CCM2: variants seen among roughly 807,000 people sequenced by gnomAD.
CCM2 encodes the protein cerebral cavernous malformations 2 protein.
Under a neutral mutation model 44.9 loss-of-function variants are expected in CCM2, and 25 were observed. The ratio of observed to expected loss-of-function variants is 0.56; its 90% CI spans 0.41 to 0.78. CCM2 has a LOEUF of 0.78. Among genes scored for constraint, CCM2 ranks in the 30% least tolerant of loss-of-function variants. CCM2 has a pLI of 0.00. For synonymous variants in CCM2, 219 were observed against 241.1 expected (o/e 0.91, Z 0.85); for missense variants, 481 against 580.6 (o/e 0.83, Z 1.76).
chr7:45,047,627 A>G (rs1386815271), intron 2 of CCM2, among the ~76,000 whole-genome samples: 1 of 152,250 alleles, frequency 6.6e-6, no homozygotes, highest in Non-Finnish European at 1.5e-5. Context: ...AAGGTTTCAC[A>G]CTGTATGTTC....
At chr7:45,070,455 A>G (rs1277910062) in intron 6 of CCM2, 2 of 456,450 alleles carry the variant, frequency 4.4e-6, no homozygotes, top group Non-Finnish European at 8.8e-6. Flanking sequence ...GTGGTGGAGC[A>G]GTGGCAGATG....
intron 1 of CCM2, among the ~76,000 whole-genome samples, chr7:45,031,825 G>A (rs1379881014): frequency 6.6e-6 from 1 of 152,072 alleles, no homozygotes; most frequent in African/African-American, 2.4e-5. Flanking sequence ...TCCCATCTTG[G>A]CCTCCCAAAG....
rs1204231993 is a variant in CCM2, at chr7:45,076,411, C to T, written c.*354C>T. On this transcript the variant is annotated 3_prime_UTR_variant, in exon 10 of 10. Coordinates refer to ENST00000258781, the MANE Select transcript of CCM2 (RefSeq NM_031443.4). ...CACATGATGTTCCTATTGTAACTCT[C>T]AGAGACCTTAAAAAGAAGTTTACTG... The T allele has an allele frequency of 7.0e-6, 3 of 428,818 alleles. No homozygotes were observed. Among genetic ancestry groups the T allele is most frequent in the South Asian group, 3.8e-5 (2 of 52,008 alleles). 26.6% of individuals were successfully genotyped at this position (428,818 alleles called of 1,614,324 possible).
intron 2 of CCM2, among the ~76,000 whole-genome samples, chr7:45,049,148 G>A (rs939417458): frequency 1.3e-5 from 2 of 152,036 alleles, no homozygotes; most frequent in Non-Finnish European, 2.9e-5. Flanking sequence ...GTGGTGATGG[G>A]GTCTTGCCAT....
At chr7:44,999,874 G>A (rs1795511012), upstream of CCM2, 1 of 385,124 alleles carries the variant, frequency 2.6e-6, no homozygotes, top group Admixed American at 2.9e-5. Context: ...TCTCGCGGCC[G>A]TGCAGAAGCG....
At chr7:45,046,215 C>A (rs1254635251) in intron 2 of CCM2, among the ~76,000 whole-genome samples, 6 of 152,188 alleles carry the variant, frequency 3.9e-5, no homozygotes, top group Non-Finnish European at 7.3e-5. Flanking sequence ...CAAGACTATT[C>A]TTAAAGTGCA....
At chr7:45,028,162 G>T (rs1249939097) in intron 1 of CCM2, among the ~76,000 whole-genome samples, 1 of 152,190 alleles carries the variant, frequency 6.6e-6, no homozygotes, top group Non-Finnish European at 1.5e-5. Flanking sequence ...GAAAAATGAT[G>T]TAGGGAGATG....
intron 2 of CCM2, among the ~76,000 whole-genome samples, chr7:45,045,813 C>CAA (rs768518859): frequency 7.2e-5 from 11 of 152,044 alleles, no homozygotes; most frequent in Admixed American, 2.0e-4. Flanking sequence ...CAAAACAAAA[C>CAA]AAACTCAGAC....
intron 1 of CCM2, among the ~76,000 whole-genome samples, chr7:45,021,029 G>T (rs1796461106): frequency 6.6e-6 from 1 of 152,138 alleles, no homozygotes; most frequent in African/African-American, 2.4e-5. Context: ...TCTGAGGGTG[G>T]TCTTAGTGCT....
At chr7:45,073,645 G>A (rs971709211) in intron 8 of CCM2, 74 bp downstream of exon 8, 3 of 1,055,464 alleles carry the variant, frequency 2.8e-6, no homozygotes, top group Non-Finnish European at 4.3e-6. Context: ...GGAAGGGGAG[G>A]AGGAGGAGGA....
At chr7:45,075,004 C>T (rs932951369) in intron 9 of CCM2, among the ~76,000 whole-genome samples, 4 of 152,228 alleles carry the variant, frequency 2.6e-5, no homozygotes, top group Non-Finnish European at 5.9e-5. Context: ...TTGAAGGCTT[C>T]TGGGTCCTGG....
upstream of CCM2, chr7:44,999,855 C>T (rs1397100226): frequency 2.4e-6 from 1 of 413,142 alleles, no homozygotes; most frequent in Non-Finnish European, 4.9e-6. Flanking sequence ...GGGGGCTGGA[C>T]AGGTGCGTTC....
rs966470513 is a variant in CCM2 at position 45,024,833 on chromosome 7, G to A, written c.31-13420G>A. Among the ~76,000 whole-genome samples, 8 of 152,168 alleles carry A rather than the reference G, an allele frequency of 5.3e-5. No homozygotes were observed. The South Asian group carries it at 1.5e-3, about 28-fold the overall frequency. On this transcript the variant is annotated intron_variant, in intron 1 of 9. Transcript: ENST00000258781. Reference sequence around the variant, plus strand: ...GATTCTCTTGAAATTCTGCAGTTTTGTGAAGATGAGTCTAAATGTTGAGGG... The same window carrying A: ...GATTCTCTTGAAATTCTGCAGTTTTATGAAGATGAGTCTAAATGTTGAGGG...
chr7:45,076,224 C>A lies in CCM2; in HGVS notation c.*167C>A, dbSNP rs757048621. The A allele has an allele frequency of 3.2e-6, 3 of 931,760 alleles. No homozygotes were observed. In the South Asian group the frequency reaches 4.2e-5, roughly 13 times the overall value. 57.7% of individuals were successfully genotyped at this position (931,760 alleles called of 1,614,324 possible). On this transcript the variant is annotated 3_prime_UTR_variant, in exon 10 of 10. Transcript: ENST00000258781. The stretch of plus-strand genomic sequence containing the variant: ...TCCTCTACTGTGAAGGAGCAGGGAG[C>A]TGCCGAGGGACACGAGCCTCAGTGC...
chr7:44,999,872 C>A, upstream of CCM2: 1 of 392,184 alleles, frequency 2.5e-6, no homozygotes, highest in Non-Finnish European at 5.2e-6. Context: ...GTTCTCGCGG[C>A]CGTGCAGAAG....
At chr7:45,072,400 A>G (rs775043185) in intron 6 of CCM2, 1 of 482,526 alleles carries the variant, frequency 2.1e-6, no homozygotes, top group African/African-American at 2.0e-5. Flanking sequence ...ACAAAGCCCC[A>G]GTAACCCTGC....
At chr7:45,023,877 C>G (rs1796586328) in intron 1 of CCM2, among the ~76,000 whole-genome samples, 1 of 130,030 alleles carries the variant, frequency 7.7e-6, no homozygotes, top group Admixed American at 9.2e-5. Flanking sequence ...ATGGCACAAT[C>G]TTGGCTCACT....
At chr7:45,018,749 C>T (rs1796363924) in intron 1 of CCM2, among the ~76,000 whole-genome samples, 1 of 150,530 alleles carries the variant, frequency 6.6e-6, no homozygotes, top group Non-Finnish European at 1.5e-5. Flanking sequence ...TTTTATTTGA[C>T]AGTTTTAAGA....
At chr7:45,047,353 C>T (rs1366511700) in intron 2 of CCM2, among the ~76,000 whole-genome samples, 3 of 152,192 alleles carry the variant, frequency 2.0e-5, no homozygotes, top group African/African-American at 2.4e-5. Flanking sequence ...AAAATGAGGT[C>T]CATCCATGCC....
Sources: gnomAD v4.1 joint callset for allele counts (sites outside exome capture counted in the v4.1 genomes callset) on GRCh38, gnomAD v4.1.1 for gene constraint, MANE v1.5 for transcripts, NCBI Gene and HGNC (gene_info 2026-07-23, HGNC 2026-07-21) for gene names.